The following PHF20 variants were observed in gnomAD, a reference collection of about 807,000 sequenced individuals.
PHF20 encodes PHD finger protein 20.
PHF20 carries 23 observed loss-of-function variants against 113.5 expected under a neutral mutation model. That is an observed-to-expected ratio of 0.20 (90% CI 0.15 to 0.29). PHF20 has a LOEUF of 0.29. Among genes scored for constraint, PHF20 ranks in the 10% least tolerant of loss-of-function variants. PHF20 has a pLI of 1.00. For synonymous variants in PHF20, 434 were observed against 457.3 expected (o/e 0.95, Z 0.65); for missense variants, 943 against 1,219.6 (o/e 0.77, Z 3.38).
At chr20:35,939,738 C>T (rs1046340063) in intron 16 of PHF20, among the ~76,000 whole-genome samples, 1 of 152,206 alleles carries the variant, frequency 6.6e-6, no homozygotes, top group East Asian at 1.9e-4. Flanking sequence ...CCTCAGTTGT[C>T]AGTGAGGCTT....
Position 35,801,589 on chromosome 20 carries a change from G to T in PHF20, c.67G>T (p.Asp23Tyr). The change falls in exon 2 of 18, where the codon GAC becomes TAC. Residue 23 changes from aspartate to tyrosine, a missense_variant. Transcript: ENST00000374012. ...AGTGGGAGCCCAGTTGGAAGCCCGG[G>T]ACCGTTTAAAAAACTGGTACTTTTA... The part of the protein sequence containing the change: ...FEVGAQLEAR[D>Y]RLKNWYPAHI... 6.2e-7 allele frequency: 1 copy of T among 1,612,298 alleles called. No individual in the cohort carries two copies. Among genetic ancestry groups the T allele is most frequent in the South Asian group, 1.1e-5 (1 of 90,972 alleles).
At chr20:35,921,481 G>A (rs370275696) in intron 13 of PHF20, among the ~76,000 whole-genome samples, 3 of 152,000 alleles carry the variant, frequency 2.0e-5, no homozygotes, top group African/African-American at 7.2e-5. Context: ...CCAGGAGTTC[G>A]AGACCAGCCC....
At chr20:35,780,221 C>CTTTT (rs930285446) in intron 1 of PHF20, among the ~76,000 whole-genome samples, 47 of 123,264 alleles carry the variant, frequency 3.8e-4, no homozygotes, top group African/African-American at 4.6e-4. Flanking sequence ...CCCCAGATTT[C>CTTTT]TTTTTTTTTT....
chr20:35,784,467 C>T (rs1377045990), intron 1 of PHF20, among the ~76,000 whole-genome samples: 4 of 121,232 alleles, frequency 3.3e-5, no homozygotes, highest in Non-Finnish European at 4.9e-5. Flanking sequence ...GATGGAGTCT[C>T]ACTGTGTCTC....
chr20:35,819,648 CTGTGTG>C (rs57252834), intron 2 of PHF20, among the ~76,000 whole-genome samples: 119 of 148,066 alleles, frequency 8.0e-4, no homozygotes, highest in African/African-American at 1.8e-3. Flanking sequence ...CTTACACCAT[CTGTGTG>C]TGTGTGTGTG....
At chr20:35,805,199 G>A (rs1026103074) in intron 2 of PHF20, among the ~76,000 whole-genome samples, 3 of 151,630 alleles carry the variant, frequency 2.0e-5, no homozygotes, top group Non-Finnish European at 2.9e-5. Flanking sequence ...CATGGCACCC[G>A]GCCTATTTTT....
chr20:35,841,988 T>C (rs2042544637), intron 2 of PHF20, among the ~76,000 whole-genome samples: 1 of 152,164 alleles, frequency 6.6e-6, no homozygotes, highest in Non-Finnish European at 1.5e-5. Context: ...TAATCCACAC[T>C]ACAACCCAGT....
Position 35,842,615 on chromosome 20 carries a change from A to T in PHF20, c.126A>T (p.Lys42Asn). ...HIEDIDYEEG[K>N]VLIHFKRWNH... ...AAGACATTGACTACGAGGAAGGAAA[A>T]GTACTCATCCATTTCAAGCGTTGGA... is the stretch of plus-strand genomic sequence containing the variant. The change falls in exon 3 of 18, where the codon AAA (lysine) becomes AAT (asparagine). Residue 42 changes from lysine (K) to asparagine (N), a missense_variant. Physicochemically the swap from Lys to Asn is moderately conservative, Grantham distance 94 (BLOSUM62 0). Around this residue, in one of 3 missense-constraint regions of PHF20, gnomAD observed 592 missense variants for 787.2 expected, o/e 0.75. Transcript: ENST00000374012. The T allele has an allele frequency of 6.2e-7, 1 of 1,614,004 alleles. No homozygotes were observed. Among genetic ancestry groups the T allele is most frequent in the Non-Finnish European group, 8.5e-7 (1 of 1,179,948 alleles).
intron 9 of PHF20, among the ~76,000 whole-genome samples, chr20:35,894,062 T>C (rs2054930471): frequency 6.6e-6 from 1 of 152,222 alleles, no homozygotes; most frequent in African/African-American, 2.4e-5. Flanking sequence ...AAGGTGGAGA[T>C]AATAATCACA....
chr20:35,881,913 T>C (rs1231366223), intron 9 of PHF20, among the ~76,000 whole-genome samples: 1 of 152,258 alleles, frequency 6.6e-6, no homozygotes, highest in Non-Finnish European at 1.5e-5. Flanking sequence ...CTATTGATTC[T>C]GCTGCAGCCA....
Position 35,910,531 on chromosome 20 carries a change from T to C in PHF20, c.1562-2718T>C, listed in dbSNP as rs563223958. Among the ~76,000 whole-genome samples the C allele has an allele frequency of 4.9e-4, 75 of 152,122 alleles. 1 individual carries two copies. The highest frequency in any genetic ancestry group is 5.9e-5 in the Non-Finnish European group (4 of 67,960). ...ACATATTCCATTCCCTCCCAAACTTTCCTCATGCCCCTTTTTAGTTCCTCC... is the reference window on the plus strand; with the variant it reads ...ACATATTCCATTCCCTCCCAAACTTCCCTCATGCCCCTTTTTAGTTCCTCC... On this transcript the variant is annotated intron_variant, in intron 10 of 17. Coordinates refer to ENST00000374012, the MANE Select transcript of PHF20 (RefSeq NM_016436.5).
intron 4 of PHF20, chr20:35,850,611 TTTTGA>T: frequency 1.1e-5 from 1 of 93,974 alleles, no homozygotes; most frequent in South Asian, 5.4e-4. Context: ...TTTTTTTTTT[TTTTGA>T]GACGGAGTCT....
chr20:35,783,618 G>A (rs951886466), intron 1 of PHF20, among the ~76,000 whole-genome samples: 1 of 151,378 alleles, frequency 6.6e-6, no homozygotes, highest in Non-Finnish European at 1.5e-5. Context: ...TAGAGACGAG[G>A]TCTTGCTATG....
chr20:35,865,852 G>A (rs1488610861), intron 6 of PHF20, among the ~76,000 whole-genome samples: 2 of 152,014 alleles, frequency 1.3e-5, no homozygotes, highest in Non-Finnish European at 1.5e-5. Context: ...AATTGGCCAG[G>A]CGTGGTGGCT....
intron 9 of PHF20, among the ~76,000 whole-genome samples, chr20:35,882,959 C>T (rs1007067717): frequency 2.7e-5 from 4 of 146,968 alleles, no homozygotes; most frequent in African/African-American, 1.0e-4. Flanking sequence ...GCGTGGGAGG[C>T]GGAGGTTGCA....
chr20:35,874,201 C>G (rs1026821872), intron 9 of PHF20, among the ~76,000 whole-genome samples: 1 of 152,184 alleles, frequency 6.6e-6, no homozygotes, highest in Non-Finnish European at 1.5e-5. Flanking sequence ...GTCTGGAACT[C>G]CTGACGTCAA....
At chr20:35,807,080 C>T (rs1276002377) in intron 2 of PHF20, among the ~76,000 whole-genome samples, 1 of 152,108 alleles carries the variant, frequency 6.6e-6, no homozygotes, top group Non-Finnish European at 1.5e-5. Context: ...CAGGCATGAG[C>T]CACTGCACCC....
rs575032742 is a variant in PHF20 at position 35,854,470 on chromosome 20, A to G, written c.341-3832A>G. ...CCACAGGAGAACTCTATTATTAGCT[A>G]CCTACGGGAGGATTCCATGTGAAGA... On this transcript the variant is annotated intron_variant, in intron 4 of 17. Coordinates refer to ENST00000374012, the MANE Select transcript of PHF20 (RefSeq NM_016436.5). 4.6e-5 allele frequency among the ~76,000 whole-genome samples: 7 copies of G among 152,260 alleles called. No individual in the cohort carries two copies. In the South Asian group the frequency reaches 1.2e-3, roughly 27 times the overall value.
At chr20:35,829,089 A>T (rs2042312860) in intron 2 of PHF20, among the ~76,000 whole-genome samples, 1 of 152,104 alleles carries the variant, frequency 6.6e-6, no homozygotes, top group Non-Finnish European at 1.5e-5. Context: ...AGGTGGCCTC[A>T]GTTCCTTGTC....
Sources: gnomAD v4.1 joint callset for allele counts (sites outside exome capture counted in the v4.1 genomes callset) on GRCh38, gnomAD v4.1.1 for gene constraint, gnomAD v4.1.1 regional missense constraint, MANE v1.5 for transcripts, NCBI Gene and HGNC (gene_info 2026-07-23, HGNC 2026-07-21) for gene names.